COLGALT2: variants seen among roughly 807,000 people sequenced by gnomAD.
COLGALT2 encodes the protein collagen beta(1-O)galactosyltransferase 2.
COLGALT2 carries 49 observed loss-of-function variants against 73.4 expected under a neutral mutation model. The observed-to-expected ratio is 0.67, with a 90% CI of 0.53 to 0.85. COLGALT2 has a LOEUF of 0.85. Ranked by LOEUF, COLGALT2 falls within the 40% of genes least tolerant of loss-of-function variation. The pLI is 0.00. For missense variants in COLGALT2, 722 were observed against 790.2 expected, an observed-to-expected ratio of 0.91 and a Z score of 1.03; for synonymous variants, 295 against 307.6, an observed-to-expected ratio of 0.96 and a Z score of 0.43.
chr1:183,999,383 C>T lies in COLGALT2; in HGVS notation c.264-20863G>A, dbSNP rs548722923. 2.0e-5 allele frequency among the ~76,000 whole-genome samples: 3 copies of T among 152,138 alleles called. No individual in the cohort carries two copies. In the South Asian group the frequency reaches 6.2e-4, roughly 32 times the overall value. On this transcript the variant is annotated intron_variant, in intron 1 of 11. Coordinates refer to ENST00000361927, the MANE Select transcript of COLGALT2 (RefSeq NM_015101.4). ...ATTAGTACTTTGCTTAGGATTTTTA[C>T]ATTTATGTATATGGGTAAAATTAGG...
intron 1 of COLGALT2, among the ~76,000 whole-genome samples, chr1:184,018,839 A>G (rs1304598604): frequency 6.6e-6 from 1 of 152,190 alleles, no homozygotes; most frequent in Non-Finnish European, 1.5e-5. Context: ...GAAGGAAGAA[A>G]TATTTCCTGC....
intron 11 of COLGALT2, among the ~76,000 whole-genome samples, chr1:183,939,974 C>T (rs1465133751): frequency 6.6e-6 from 1 of 152,208 alleles, no homozygotes. Context: ...TTAATTGCCA[C>T]ACCTTTTGAT....
chr1:183,970,368 T>TC (rs2102813326), intron 4 of COLGALT2, among the ~76,000 whole-genome samples: 2 of 152,330 alleles, frequency 1.3e-5, no homozygotes, highest in South Asian at 4.1e-4. Flanking sequence ...GAATGAGTGT[T>TC]AAGTTTTGCA....
chr1:183,932,237 C>G (rs1043546084), downstream of COLGALT2, among the ~76,000 whole-genome samples: 1 of 152,174 alleles, frequency 6.6e-6, no homozygotes, highest in Non-Finnish European at 1.5e-5. Flanking sequence ...CTGCCTCGGT[C>G]TGACTCCCAG....
chr1:183,937,084 T>C lies in COLGALT2; in HGVS notation c.*1677A>G. The C allele has an allele frequency of 1.6e-6, 2 of 1,231,272 alleles. No homozygotes were observed. The highest frequency in any genetic ancestry group is 2.0e-6 in the Non-Finnish European group (2 of 987,896). The allele number at this position is 1,231,272 out of a possible 1,614,324, so 76.3% of individuals were successfully genotyped here. Reference sequence around the variant, plus strand: ...ATGGGCAGTGAACTGAAGAATTAGGTGTCTGGCTTAAAGTGTATCTTACAC... The same window carrying C: ...ATGGGCAGTGAACTGAAGAATTAGGCGTCTGGCTTAAAGTGTATCTTACAC... On this transcript the variant is annotated 3_prime_UTR_variant, in exon 12 of 12. Transcript: ENST00000361927.
At chr1:183,981,089 C>T (rs924116422) in intron 1 of COLGALT2, among the ~76,000 whole-genome samples, 31 of 152,026 alleles carry the variant, frequency 2.0e-4, no homozygotes, top group African/African-American at 7.5e-4. Context: ...GGATAAATGA[C>T]ATAGGGAGCC....
intron 5 of COLGALT2, among the ~76,000 whole-genome samples, chr1:183,967,201 G>T (rs74130435): frequency 0.016 from 2,378 of 152,322 alleles, 61 homozygotes; most frequent in African/African-American, 0.054. Flanking sequence ...TCCCCAAAAT[G>T]ACAGTGAATC....
At position 183,938,709 on chromosome 1, in the gene COLGALT2, T is replaced by C. The variant is rs1670030010; in HGVS notation, c.*52A>G. On this transcript the variant is annotated 3_prime_UTR_variant, in exon 12 of 12. Coordinates refer to ENST00000361927, the MANE Select transcript of COLGALT2 (RefSeq NM_015101.4). ...TGGAGCAAACAGATGAATAGCCCTT[T>C]AGAAAAACCAGAGGATGTTGAACTG... is the stretch of plus-strand genomic sequence containing the variant. 1 of 1,592,362 alleles carries C rather than the reference T, an allele frequency of 6.3e-7. No homozygotes were observed. The highest frequency in any genetic ancestry group is 1.3e-5 in the African/African-American group (1 of 74,324).
rs370765989 is a variant in COLGALT2 at position 184,013,219 on chromosome 1, G to A, written c.263+23876C>T. 7.2e-5 allele frequency among the ~76,000 whole-genome samples: 11 copies of A among 152,310 alleles called. No homozygotes were observed. The East Asian group carries it at 7.7e-4, about 11-fold the overall frequency. On this transcript the variant is annotated intron_variant, in intron 1 of 11. Coordinates refer to ENST00000361927, the MANE Select transcript of COLGALT2 (RefSeq NM_015101.4). The stretch of plus-strand genomic sequence containing the variant: ...AATCCCAGCTACTCAGGAGGCTGAC[G>A]CAGGAGAATTACTTGAACCTGGTAG...
intron 1 of COLGALT2, among the ~76,000 whole-genome samples, chr1:183,999,985 C>T (rs10797930): frequency 0.11 from 17,153 of 151,770 alleles, 1,531 homozygotes; most frequent in East Asian, 0.44. Context: ...TTTTTTTACC[C>T]GCAAATGTCT....
intron 6 of COLGALT2, among the ~76,000 whole-genome samples, chr1:183,962,771 G>C (rs900012776): frequency 6.6e-5 from 10 of 152,168 alleles, no homozygotes; most frequent in African/African-American, 1.2e-4. Context: ...TGCATCCCAT[G>C]CATGCTCCAC....
chr1:184,002,312 T>C (rs1671952332), intron 1 of COLGALT2, among the ~76,000 whole-genome samples: 1 of 152,202 alleles, frequency 6.6e-6, no homozygotes, highest in Admixed American at 6.5e-5. Flanking sequence ...TGGGCTAGAC[T>C]CCATGCCAGG....
At chr1:184,030,059 A>G (rs1649459029) in intron 1 of COLGALT2, among the ~76,000 whole-genome samples, 1 of 152,238 alleles carries the variant, frequency 6.6e-6, no homozygotes, top group Non-Finnish European at 1.5e-5. Context: ...TGGGAGATTT[A>G]CTTTTTGTGA....
rs386637483 is a variant in COLGALT2 at position 183,978,621 on chromosome 1, TG to T, written c.264-102del. The T allele has an allele frequency of 5.2e-6, 3 of 572,918 alleles. No individual in the cohort carries two copies. The East Asian group carries it at 8.7e-5, about 17-fold the overall frequency. The allele number at this position is 572,918 out of a possible 1,614,324, so 35.5% of individuals were successfully genotyped here. ...TAACTGAAAGAAGAATGGCTACTCC[TG>T]GAAAAAAAATTGTATATATGAAAAT... is the stretch of plus-strand genomic sequence containing the variant. On this transcript the variant is annotated intron_variant, in intron 1 of 11. Transcript: ENST00000361927.
At chr1:183,932,419 T>C (rs1669866685), downstream of COLGALT2, among the ~76,000 whole-genome samples, 1 of 151,926 alleles carries the variant, frequency 6.6e-6, no homozygotes, top group Non-Finnish European at 1.5e-5. Context: ...GTTGCTGTTA[T>C]TCCTGGGAAG....
chr1:183,951,672 T>C (rs904506842), intron 7 of COLGALT2, among the ~76,000 whole-genome samples: 1 of 151,858 alleles, frequency 6.6e-6, no homozygotes, highest in African/African-American at 2.4e-5. Flanking sequence ...ATGAAAACTA[T>C]AAAACACTGA....
At chr1:183,969,956 C>T (rs1337486581) in intron 4 of COLGALT2, among the ~76,000 whole-genome samples, 1 of 152,182 alleles carries the variant, frequency 6.6e-6, no homozygotes, top group East Asian at 1.9e-4. Context: ...ATGGGGTTAG[C>T]TGTAAAATTT....
chr1:184,013,953 C>T (rs12089250), intron 1 of COLGALT2, among the ~76,000 whole-genome samples: 27,866 of 151,828 alleles, frequency 0.18, 2,856 homozygotes, highest in East Asian at 0.44. Context: ...GCTTGCATGG[C>T]GGTGGGAATA....
At chr1:183,976,877 T>C (rs1050055357) in intron 2 of COLGALT2, among the ~76,000 whole-genome samples, 2 of 152,194 alleles carry the variant, frequency 1.3e-5, no homozygotes, top group Non-Finnish European at 2.9e-5. Flanking sequence ...TAGGTTTCTA[T>C]AGTAGGCATG....
Sources: allele counts gnomAD v4.1 joint callset (sites outside exome capture counted in the v4.1 genomes callset), GRCh38; gene constraint gnomAD v4.1.1; transcripts MANE v1.5; gene names NCBI Gene and HGNC (gene_info 2026-07-23, HGNC 2026-07-21).